The following ATRIP variants were observed in gnomAD, a reference collection of about 807,000 sequenced individuals.
ATRIP encodes ATR-interacting protein.
In ATRIP, 44 loss-of-function variants were observed where a neutral mutation model predicts 78.1. That is an observed-to-expected ratio of 0.56 (90% CI 0.44 to 0.72). The LOEUF (loss-of-function observed/expected upper bound fraction) is 0.72, where lower values mean the gene tolerates loss of function less well. ATRIP is among the 30% of genes least tolerant of loss of function. ATRIP has a pLI of 0.00. For synonymous variants in ATRIP, 388 were observed against 408.9 expected (o/e 0.95, Z 0.62); for missense variants, 927 against 980.2 (o/e 0.95, Z 0.72).
At position 48,464,565 on chromosome 3, in the gene ATRIP, A is replaced by G; in HGVS notation, c.1975-17A>G. On this transcript the variant is annotated splice_polypyrimidine_tract_variant and intron_variant, in intron 10 of 12. Transcript: ENST00000320211. ...TCTCCTTCTGCCCAGGATGGAACCA[A>G]TCTGTTCTTGTTCTAGGTGGTGTGG... The G allele has an allele frequency of 9.3e-6, 15 of 1,613,612 alleles. No homozygotes were observed. The highest frequency in any genetic ancestry group is 1.3e-5 in the Non-Finnish European group (15 of 1,179,682).
rs759481016 is a variant in ATRIP at position 48,467,175 on chromosome 3, A to G, written c.*1621A>G. ...AAGCAGCCCCTCAGAACACGGCCCA[A>G]GGAAGAGCTATAGCCTAGGCAGCAT... On this transcript the variant is annotated 3_prime_UTR_variant, in exon 13 of 13. Transcript: ENST00000320211. 2.8e-5 allele frequency: 45 copies of G among 1,613,664 alleles called. No homozygotes were observed. The highest frequency in any genetic ancestry group is 5.0e-5 in the Admixed American group (3 of 59,998).
Position 48,460,778 on chromosome 3 carries a change from C to A in ATRIP, c.1724C>A (p.Thr575Asn), listed in dbSNP as rs765469662. ...LKVLVKLAEN[T>N]SCDFLPRFQC... ...GTTTTGGTGAAATTAGCCGAAAACA[C>A]TTCCTGTGATTTCTTGCCCAGGTAT... The change falls in exon 8 of 13, where the codon ACT becomes AAT. Residue 575 changes from threonine (T) to asparagine (N), a missense_variant. Transcript: ENST00000320211. 6.3e-7 allele frequency: 1 copy of A among 1,599,630 alleles called. No individual in the cohort carries two copies. Among genetic ancestry groups the A allele is most frequent in the Non-Finnish European group, 8.6e-7 (1 of 1,168,198 alleles).
At chr3:48,447,749 C>G (rs1479608668) in intron 1 of ATRIP, among the ~76,000 whole-genome samples, 1 of 152,196 alleles carries the variant, frequency 6.6e-6, no homozygotes, top group African/African-American at 2.4e-5. Context: ...ACCTTAAACT[C>G]AACACGATCA....
rs776171409 is a variant in ATRIP, at chr3:48,467,504, C to T, written c.*1950C>T. The T allele has an allele frequency of 7.4e-6, 12 of 1,614,084 alleles. No individual in the cohort carries two copies. Among genetic ancestry groups the T allele is most frequent in the Non-Finnish European group, 1.0e-5 (12 of 1,180,010 alleles). ...CAGTGAAGGACCCTGGAGCCCTATC[C>T]AGGGAGGGGCTGCTGGCCCCACTGG... is the stretch of plus-strand genomic sequence containing the variant. On this transcript the variant is annotated 3_prime_UTR_variant, in exon 13 of 13. Coordinates refer to ENST00000320211, the MANE Select transcript of ATRIP (RefSeq NM_130384.3).
At chr3:48,464,741 C>G in intron 11 of ATRIP, 79 bp downstream of exon 11, 2 of 1,607,970 alleles carry the variant, frequency 1.2e-6, no homozygotes, top group East Asian at 4.5e-5. Context: ...CCACTGCAAA[C>G]CCCCTCACGT....
intron 2 of ATRIP, 148 bp from the exon 3 acceptor site, chr3:48,451,581 G>T: frequency 1.6e-6 from 1 of 635,516 alleles, no homozygotes; most frequent in South Asian, 2.3e-5. Context: ...GCAGACCATG[G>T]TGACATCTGG....
chr3:48,460,759 G>T lies in ATRIP; in HGVS notation c.1705G>T (p.Val569Leu), dbSNP rs775410946. 3.9e-5 allele frequency: 62 copies of T among 1,602,334 alleles called. No homozygotes were observed. Among genetic ancestry groups the T allele is most frequent in the Non-Finnish European group, 5.0e-5 (58 of 1,170,406 alleles). ...SVLTQCLKVLVKLAENTSCDF... is the reference protein window; with the variant it reads ...SVLTQCLKVLLKLAENTSCDF... ...CCTGACCCAGTGCCTTAAGGTTTTG[G>T]TGAAATTAGCCGAAAACACTTCCTG... The change falls in exon 8 of 13, where the codon GTG (valine) becomes TTG (leucine). Residue 569 changes from valine (V) to leucine (L), a missense_variant. Val to Leu is a conservative substitution (Grantham distance 32). Transcript: ENST00000320211.
intron 5 of ATRIP, 38 bp from the exon 6 acceptor site, chr3:48,459,321 T>A (rs762991397): frequency 4.5e-6 from 7 of 1,564,330 alleles, no homozygotes; most frequent in Non-Finnish European, 5.3e-6. Flanking sequence ...CCCATGCTTC[T>A]GGGCTCAAGT....
At chr3:48,458,472 G>A (rs923763963) in intron 5 of ATRIP, among the ~76,000 whole-genome samples, 2 of 152,050 alleles carry the variant, frequency 1.3e-5, no homozygotes, top group Non-Finnish European at 2.9e-5. Context: ...ACAGGCATGC[G>A]CCACCACACC....
At position 48,466,873 on chromosome 3, in the gene ATRIP, C is replaced by T. The variant is rs755919767; in HGVS notation, c.*1319C>T. 1.5e-5 allele frequency: 25 copies of T among 1,613,282 alleles called. No homozygotes were observed. The highest frequency in any genetic ancestry group is 7.7e-5 in the South Asian group (7 of 91,088). ...GACAAGCTCTCCCTGTGTGTGGCTC[C>T]GGGGAAGGCCTGCAGCCCTGCAGCC... On this transcript the variant is annotated 3_prime_UTR_variant, in exon 13 of 13. Transcript: ENST00000320211.
At chr3:48,447,372 A>G in intron 1 of ATRIP, 1 of 1,108,296 alleles carries the variant, frequency 9.0e-7, no homozygotes, top group Non-Finnish European at 1.1e-6. Flanking sequence ...GGTTCTAAGC[A>G]GAGATCCTTG....
At chr3:48,457,670 C>G (rs997905305) in intron 5 of ATRIP, among the ~76,000 whole-genome samples, 6 of 152,138 alleles carry the variant, frequency 3.9e-5, no homozygotes, top group Non-Finnish European at 5.9e-5. Context: ...GGGGTATCCT[C>G]TTAACCTGGT....
At chr3:48,449,324 G>T (rs1189151007) in intron 1 of ATRIP, among the ~76,000 whole-genome samples, 1 of 142,514 alleles carries the variant, frequency 7.0e-6, no homozygotes, top group Non-Finnish European at 1.5e-5. Flanking sequence ...TGAGGCACAA[G>T]AATCGCTTGA....
At chr3:48,453,025 T>A (rs2039872544) in intron 3 of ATRIP, among the ~76,000 whole-genome samples, 1 of 151,870 alleles carries the variant, frequency 6.6e-6, no homozygotes, top group South Asian at 2.1e-4. Context: ...GCTGGAACTA[T>A]AGGCACACAC....
chr3:48,458,789 C>T (rs1341748265), intron 5 of ATRIP, among the ~76,000 whole-genome samples: 2 of 152,202 alleles, frequency 1.3e-5, no homozygotes, highest in Non-Finnish European at 2.9e-5. Flanking sequence ...ATCAACCTTT[C>T]AAATCCTTGG....
rs1316815346 is a variant in ATRIP, at chr3:48,467,205, ACTCGCCTGTAT to A, written c.*1652_*1662del. The A allele has an allele frequency of 2.5e-6, 4 of 1,613,796 alleles. No individual in the cohort carries two copies. In the South Asian group the frequency reaches 4.4e-5, roughly 18 times the overall value. On this transcript the variant is annotated 3_prime_UTR_variant, in exon 13 of 13. Transcript: ENST00000320211. ...GAGCTATAGCCTAGGCAGCATCTAC[ACTCGCCTGTAT>A]GGGCAGTCCCCTCCAGACTCGCACA...
In ATRIP at chr3:48,467,017, T is replaced by G; in HGVS notation, c.*1463T>G. On this transcript the variant is annotated 3_prime_UTR_variant, in exon 13 of 13. Coordinates refer to ENST00000320211, the MANE Select transcript of ATRIP (RefSeq NM_130384.3). Reference sequence around the variant, plus strand: ...CGGCGCCAGCCACAGCCCTGGTGCCTGGTGGCACACAATGGTGACCGCTAC... The same window carrying G: ...CGGCGCCAGCCACAGCCCTGGTGCCGGGTGGCACACAATGGTGACCGCTAC... The G allele has an allele frequency of 1.2e-6, 2 of 1,613,908 alleles. No homozygotes were observed. Among genetic ancestry groups the G allele is most frequent in the South Asian group, 2.2e-5 (2 of 91,082 alleles).
At chr3:48,462,289 G>C (rs147702316) in intron 8 of ATRIP, among the ~76,000 whole-genome samples, 132 of 151,130 alleles carry the variant, frequency 8.7e-4, no homozygotes, top group African/African-American at 2.9e-3. Flanking sequence ...GTTTTTACTG[G>C]TGGTAGACAC....
rs577465983 is a variant in ATRIP, at chr3:48,466,209, G to A, written c.*655G>A. On this transcript the variant is annotated 3_prime_UTR_variant, in exon 13 of 13. Coordinates refer to ENST00000320211, the MANE Select transcript of ATRIP (RefSeq NM_130384.3). ...CGGGCCTGGCTCACGTGGGCCTGTA[G>A]GCGGGCCCACGCCAAGTTTCACTTC... 7 of 563,800 alleles carry A rather than the reference G, an allele frequency of 1.2e-5. No homozygotes were observed. In the East Asian group the frequency reaches 1.8e-4, roughly 15 times the overall value. 34.9% of individuals were successfully genotyped at this position (563,800 alleles called of 1,614,324 possible).
Sources: gnomAD v4.1 joint callset for allele counts (sites outside exome capture counted in the v4.1 genomes callset) on GRCh38, gnomAD v4.1.1 for gene constraint, MANE v1.5 for transcripts, NCBI Gene and HGNC (gene_info 2026-07-23, HGNC 2026-07-21) for gene names.